The following CADM2 variants were observed in gnomAD, a reference collection of about 807,000 sequenced individuals.
The protein encoded by CADM2 is immunoglobulin superfamily member 4D.
A neutral mutation model predicts 49.8 loss-of-function variants in CADM2; 12 were observed. The observed-to-expected ratio is 0.24, with a 90% CI of 0.15 to 0.39. CADM2 has a LOEUF of 0.39. CADM2 is among the 10% of genes least tolerant of loss of function. The probability of loss-of-function intolerance (pLI) is 1.00; values close to 1 mark genes in which losing one functional copy is unlikely to be tolerated. For missense variants in CADM2, 378 were observed against 492.3 expected, an observed-to-expected ratio of 0.77 and a Z score of 2.20; for synonymous variants, 214 against 175.4, an observed-to-expected ratio of 1.22 and a Z score of -1.74.
At chr3:85,273,062 G>A (rs545021794) in intron 1 of CADM2, among the ~76,000 whole-genome samples, 1 of 151,004 alleles carries the variant, frequency 6.6e-6, no homozygotes, top group Admixed American at 6.6e-5. Context: ...GAAATTTTGA[G>A]GAACGTAAAG....
intron 1 of CADM2, among the ~76,000 whole-genome samples, chr3:85,314,232 A>G (rs947376324): frequency 1.5e-4 from 23 of 152,122 alleles, no homozygotes; most frequent in African/African-American, 5.6e-4. Context: ...GCTTTACACT[A>G]TCAAAAATAT....
chr3:85,601,130 G>GTGTGTGTGTATATA (rs1328015269), intron 1 of CADM2, among the ~76,000 whole-genome samples: 1 of 109,650 alleles, frequency 9.1e-6, no homozygotes, highest in African/African-American at 4.0e-5. Context: ...ATATATGTGT[G>GTGTGTGTGTATATA]TATATATATA....
chr3:85,883,385 C>T lies in CADM2; in HGVS notation c.333C>T (p.Tyr111=), dbSNP rs764587826. 4 of 1,613,654 alleles carry T rather than the reference C, an allele frequency of 2.5e-6. No individual in the cohort carries two copies. Among genetic ancestry groups the T allele is most frequent in the Admixed American group, 3.3e-5 (2 of 60,000 alleles). ...SDVSLSDEGQ[Y]TCSLFTMPVK... is the part of the protein sequence containing the mutation. ...TGTCTCTCTCTGATGAAGGACAGTA[C>T]ACCTGTTCTTTATTTACAATGCCTG... The change falls in exon 4 of 10, where the codon TAC becomes TAT. Residue 111 remains tyrosine (Y), a synonymous_variant. Coordinates refer to ENST00000383699, the MANE Select transcript of CADM2 (RefSeq NM_001167675.2).
chr3:85,791,763 A>G (rs6549056), intron 2 of CADM2, among the ~76,000 whole-genome samples: 100,535 of 151,828 alleles, frequency 0.66, 33,742 homozygotes, highest in East Asian at 0.76. Context: ...TCACTTTGTC[A>G]CCCAGGCTGG....
intron 3 of CADM2, among the ~76,000 whole-genome samples, chr3:85,870,023 T>C (rs928492969): frequency 1.2e-4 from 18 of 152,150 alleles, no homozygotes; most frequent in South Asian, 2.1e-4. Flanking sequence ...CCACTGCCAA[T>C]CCCAATGTGT....
At chr3:85,090,416 G>C (rs2037551254) in intron 1 of CADM2, among the ~76,000 whole-genome samples, 1 of 152,078 alleles carries the variant, frequency 6.6e-6, no homozygotes, top group African/African-American at 2.4e-5. Context: ...TTTGTGTCTT[G>C]TTTTGTTTTC....
At chr3:85,891,326 T>A (rs1458723242) in intron 5 of CADM2, among the ~76,000 whole-genome samples, 1 of 152,204 alleles carries the variant, frequency 6.6e-6, no homozygotes, top group Non-Finnish European at 1.5e-5. Context: ...AGTTTGAGGA[T>A]TTGCTATTAC....
At chr3:85,639,279 A>G (rs1161663407) in intron 1 of CADM2, among the ~76,000 whole-genome samples, 1 of 152,206 alleles carries the variant, frequency 6.6e-6, no homozygotes, top group Non-Finnish European at 1.5e-5. Context: ...AAGCATTCAG[A>G]AGTAGATGTA....
chr3:85,929,464 G>A (rs1016405251), intron 6 of CADM2, among the ~76,000 whole-genome samples: 5 of 151,856 alleles, frequency 3.3e-5, no homozygotes, highest in Admixed American at 6.6e-5. Flanking sequence ...GTAAGGAAAA[G>A]TTTGGATGAT....
intron 1 of CADM2, among the ~76,000 whole-genome samples, chr3:85,240,868 G>A (rs2042516021): frequency 6.6e-6 from 1 of 151,416 alleles, no homozygotes; most frequent in African/African-American, 2.4e-5. Context: ...AGACGTAATA[G>A]TTGTACATAT....
chr3:85,904,428 G>A (rs752986714), intron 5 of CADM2, among the ~76,000 whole-genome samples: 12 of 152,136 alleles, frequency 7.9e-5, no homozygotes, highest in Non-Finnish European at 1.5e-4. Flanking sequence ...CTTCGTTGAG[G>A]AAACATGGAT....
At chr3:85,376,083 A>G (rs890030408) in intron 1 of CADM2, among the ~76,000 whole-genome samples, 2 of 152,170 alleles carry the variant, frequency 1.3e-5, no homozygotes, top group Non-Finnish European at 2.9e-5. Flanking sequence ...AACAGATAAT[A>G]AAACTAATCA....
chr3:85,490,727 C>T (rs973907411), intron 1 of CADM2, among the ~76,000 whole-genome samples: 2 of 151,988 alleles, frequency 1.3e-5, no homozygotes, highest in Non-Finnish European at 1.5e-5. Context: ...AAAGTGTTGA[C>T]TATTTCTGAG....
At chr3:85,953,898 G>T (rs1723744073) in intron 7 of CADM2, among the ~76,000 whole-genome samples, 1 of 150,768 alleles carries the variant, frequency 6.6e-6, no homozygotes, top group African/African-American at 2.4e-5. Context: ...GACATTTTCT[G>T]TTAATTAAAC....
At chr3:86,055,474 T>TTG (rs1553730571) in intron 8 of CADM2, among the ~76,000 whole-genome samples, 2 of 126,336 alleles carry the variant, frequency 1.6e-5, no homozygotes, top group Non-Finnish European at 3.2e-5. Flanking sequence ...TTTTTTTTTT[T>TTG]TTTTTGGTTT....
At chr3:85,760,256 T>C (rs2069309083) in intron 2 of CADM2, among the ~76,000 whole-genome samples, 1 of 152,110 alleles carries the variant, frequency 6.6e-6, no homozygotes, top group Non-Finnish European at 1.5e-5. Flanking sequence ...ATTCCATTAC[T>C]GTTAAAGAGA....
chr3:85,508,314 A>G (rs1278445137), intron 1 of CADM2, among the ~76,000 whole-genome samples: 1 of 152,164 alleles, frequency 6.6e-6, no homozygotes, highest in Non-Finnish European at 1.5e-5. Context: ...TAGTCAGCAA[A>G]CTATGACTCT....
intron 1 of CADM2, among the ~76,000 whole-genome samples, chr3:85,556,426 T>C (rs2061960732): frequency 6.6e-6 from 1 of 152,070 alleles, no homozygotes; most frequent in Admixed American, 6.6e-5. Context: ...TGCTCAATAG[T>C]CAACTCTATT....
Position 85,274,558 on chromosome 3 carries a change from C to T in CADM2, c.61+314890C>T, listed in dbSNP as rs186661975. ...TGGTGGTTGCTTGTGCTAGTTGCCT[C>T]CTGATTCATTCGATAGTCCAAGGGC... On this transcript the variant is annotated intron_variant, in intron 1 of 9. Transcript: ENST00000383699. 5.2e-4 allele frequency among the ~76,000 whole-genome samples: 79 copies of T among 151,422 alleles called. 1 individual carries two copies. The highest frequency in any genetic ancestry group is 1.7e-3 in the African/African-American group (69 of 41,422).
Sources: allele counts gnomAD v4.1 joint callset (sites outside exome capture counted in the v4.1 genomes callset), GRCh38; gene constraint gnomAD v4.1.1; transcripts MANE v1.5; gene names NCBI Gene and HGNC (gene_info 2026-07-23, HGNC 2026-07-21).